The following PMS2 variants were observed in gnomAD, a reference collection of about 807,000 sequenced individuals.
PMS2 encodes mismatch repair endonuclease PMS2.
In PMS2, 69 loss-of-function variants were observed where a neutral mutation model predicts 90.0. The ratio of observed to expected loss-of-function variants is 0.77; its 90% CI spans 0.63 to 0.94. PMS2 has a LOEUF of 0.94. Ranked by LOEUF, PMS2 falls within the 40% of genes least tolerant of loss-of-function variation. The pLI is 0.00. For missense variants in PMS2, 966 were observed against 1,040.2 expected (o/e 0.93, Z 0.98); for synonymous variants, 332 against 375.1 (o/e 0.89, Z 1.33).
chr7:5,983,430 A>G (rs1782522733), intron 11 of PMS2, among the ~76,000 whole-genome samples: 1 of 151,574 alleles, frequency 6.6e-6, no homozygotes, highest in South Asian at 2.1e-4. Context: ...CTTTCTAAAG[A>G]TAACATTAAT....
At position 5,987,432 on chromosome 7, in the gene PMS2, T is replaced by C. The variant is rs2128733132; in HGVS notation, c.1333A>G (p.Ser445Gly). The C allele has an allele frequency of 1.2e-6, 2 of 1,614,110 alleles. No homozygotes were observed. The highest frequency in any genetic ancestry group is 2.2e-5 in the South Asian group (2 of 91,088). ...HSPKTPEPRR[S>G]PLGQKRGMLS... is the part of the protein sequence containing the mutation. ...ATACCCCTTTTCTGTCCTAGAGGGC[T>C]CCTTCTTGGTTCTGGAGTCTTTGGG... is the stretch of plus-strand genomic sequence containing the variant. Residue 445 changes from serine (S) to glycine (G), a missense_variant, in exon 11 of 15, where the codon AGC (serine) becomes GGC (glycine). Around this residue, in one of 2 missense-constraint regions of PMS2, gnomAD observed 871 missense variants for 802.4 expected, o/e 1.09. Transcript: ENST00000265849.
At position 5,987,276 on chromosome 7, in the gene PMS2, C is replaced by A. The variant is rs749826312; in HGVS notation, c.1489G>T (p.Gly497Cys). 6.2e-7 allele frequency: 1 copy of A among 1,614,092 alleles called. No individual in the cohort carries two copies. Among genetic ancestry groups the A allele is most frequent in the Non-Finnish European group, 8.5e-7 (1 of 1,180,016 alleles). Reference protein sequence around the residue: ...RAEVEKDSGHGSTSVDSEGFS... With the variant: ...RAEVEKDSGHCSTSVDSEGFS... ...CCCTCAGAATCCACGGAAGTGCTGC[C>A]GTGCCCCGAGTCCTTCTCCACCTCC... is the stretch of plus-strand genomic sequence containing the variant. Residue 497 changes from glycine (G) to cysteine (C), a missense_variant, in exon 11 of 15, where the codon GGC becomes TGC. Transcript: ENST00000265849.
chr7:6,001,801 T>C (rs1785115124), intron 5 of PMS2, among the ~76,000 whole-genome samples: 1 of 151,708 alleles, frequency 6.6e-6, no homozygotes, highest in East Asian at 1.9e-4. Flanking sequence ...CTGGCCAGCC[T>C]GGACAACATG....
intron 8 of PMS2, among the ~76,000 whole-genome samples, chr7:5,992,861 A>C (rs1404040216): frequency 1.3e-5 from 2 of 152,242 alleles, no homozygotes; most frequent in Non-Finnish European, 2.9e-5. Context: ...GCTCTATGAG[A>C]AATTCTAGTG....
chr7:5,992,512 G>T (rs977421163), intron 8 of PMS2, among the ~76,000 whole-genome samples: 2 of 151,918 alleles, frequency 1.3e-5, no homozygotes, highest in African/African-American at 4.8e-5. Context: ...TAGAGATGGG[G>T]TTTCACCATG....
chr7:6,002,255 A>T, intron 5 of PMS2, 198 bp downstream of exon 5: 1 of 545,816 alleles, frequency 1.8e-6, no homozygotes, highest in Non-Finnish European at 3.3e-6. Context: ...GTCCTAATAA[A>T]CACTATGTGA....
chr7:5,994,130 C>A (rs1320099080), intron 8 of PMS2, among the ~76,000 whole-genome samples: 1 of 151,220 alleles, frequency 6.6e-6, no homozygotes, highest in Non-Finnish European at 1.5e-5. Flanking sequence ...CGCCTGTAAT[C>A]CCAGCACTTC....
chr7:6,002,364 G>C (rs1484011489), intron 5 of PMS2, 89 bp downstream of exon 5: 5 of 854,756 alleles, frequency 5.8e-6, no homozygotes, highest in Non-Finnish European at 9.9e-6. Flanking sequence ...TATGGGAAGA[G>C]AATCAACTGA....
chr7:5,987,653 G>A lies in PMS2; in HGVS notation c.1145-33C>T. 7.2e-7 allele frequency: 1 copy of A among 1,392,782 alleles called. No homozygotes were observed. Among genetic ancestry groups the A allele is most frequent in the Non-Finnish European group, 1.0e-6 (1 of 988,788 alleles). 86.3% of individuals were successfully genotyped at this position (1,392,782 alleles called of 1,614,324 possible). A position where few individuals can be genotyped will look rare whatever the true frequency, so the allele number is the denominator to read the frequency against. On this transcript the variant is annotated intron_variant, in intron 10 of 14. Coordinates refer to ENST00000265849, the MANE Select transcript of PMS2 (RefSeq NM_000535.7). ...AACGTGGACGGAGAAGAGGGTCAGG[G>A]ACTATCCTGAAATGGTGAGAGGACG...
At chr7:6,006,307 A>G (rs1329021846) in intron 1 of PMS2, among the ~76,000 whole-genome samples, 3 of 152,192 alleles carry the variant, frequency 2.0e-5, no homozygotes, top group Non-Finnish European at 2.9e-5. Context: ...CATACATTGT[A>G]TCTCTCAAAT....
At chr7:6,000,165 A>T (rs1208273205) in intron 5 of PMS2, among the ~76,000 whole-genome samples, 1 of 151,980 alleles carries the variant, frequency 6.6e-6, no homozygotes, top group East Asian at 1.9e-4. Flanking sequence ...ACTTGAGCCC[A>T]CGAGTTCGAG....
At chr7:6,005,617 G>A (rs1401711876) in intron 2 of PMS2, among the ~76,000 whole-genome samples, 3 of 152,162 alleles carry the variant, frequency 2.0e-5, no homozygotes, top group South Asian at 4.1e-4. Context: ...GATTATAGGC[G>A]TGAGACACCA....
At chr7:6,004,703 A>G (rs1318081921) in intron 2 of PMS2, among the ~76,000 whole-genome samples, 3 of 149,270 alleles carry the variant, frequency 2.0e-5, no homozygotes, top group African/African-American at 5.0e-5. Flanking sequence ...CAACAAGAGC[A>G]AAACTCTATC....
At chr7:6,005,339 G>A (rs553934479) in intron 2 of PMS2, among the ~76,000 whole-genome samples, 1 of 152,206 alleles carries the variant, frequency 6.6e-6, no homozygotes, top group South Asian at 2.1e-4. Context: ...CAAGTAGCTG[G>A]GATTACAGGC....
chr7:6,001,340 T>G (rs1333651633), intron 5 of PMS2, among the ~76,000 whole-genome samples: 1 of 151,914 alleles, frequency 6.6e-6, no homozygotes, highest in African/African-American at 2.4e-5. Flanking sequence ...AGGGTTCTAA[T>G]AGCTCATTTC....
At chr7:6,000,858 G>A (rs1167572698) in intron 5 of PMS2, among the ~76,000 whole-genome samples, 3 of 152,062 alleles carry the variant, frequency 2.0e-5, no homozygotes, top group Admixed American at 6.6e-5. Flanking sequence ...GGGCGTGGTG[G>A]CGCACACCTA....
intron 6 of PMS2, 75 bp downstream of exon 6, chr7:5,999,033 T>A: frequency 7.3e-7 from 1 of 1,366,234 alleles, no homozygotes; most frequent in Non-Finnish European, 1.0e-6. Flanking sequence ...TTCTCCATTC[T>A]ACTGGAAGGG....
rs587782832 is a variant in PMS2, at chr7:5,987,533, T to C, written c.1232A>G (p.Glu411Gly). The C allele has an allele frequency of 1.2e-6, 2 of 1,614,208 alleles. No individual in the cohort carries two copies. The highest frequency in any genetic ancestry group is 1.7e-6 in the Non-Finnish European group (2 of 1,180,032). Residue 411 changes from glutamate (E) to glycine (G), a missense_variant, in exon 11 of 15, where the codon GAA (glutamate) becomes GGA (glycine). Glu to Gly is a moderately conservative substitution (Grantham distance 98). Transcript: ENST00000265849. ...DQSPSLRTGE[E>G]KKDVSISRLR... ...TCTGGAAATGGACACGTCTTTTTTT[T>C]CTTCTCCAGTCCTTAATGAAGGGGA...
intron 2 of PMS2, chr7:6,004,328 A>C (rs1362514187): frequency 3.1e-6 from 1 of 320,070 alleles, no homozygotes; most frequent in East Asian, 6.4e-5. Context: ...AGGAACAAAA[A>C]AAATCTGTAA....
Sources: gnomAD v4.1 joint callset for allele counts (sites outside exome capture counted in the v4.1 genomes callset) on GRCh38, gnomAD v4.1.1 for gene constraint, gnomAD v4.1.1 regional missense constraint, MANE v1.5 for transcripts, NCBI Gene and HGNC (gene_info 2026-07-23, HGNC 2026-07-21) for gene names.